Variants in CEP112 observed in about 807,000 individuals in gnomAD.
CEP112 encodes centrosomal protein 112, also known as centrosomal protein of 112 kDa.
A neutral mutation model predicts 153.0 loss-of-function variants in CEP112; 127 were observed. The ratio of observed to expected loss-of-function variants is 0.83; its 90% CI spans 0.72 to 0.96. The LOEUF (loss-of-function observed/expected upper bound fraction) is 0.96. CEP112 is among the 40% of genes least tolerant of loss of function. The pLI, the probability that CEP112 is intolerant of heterozygous loss-of-function variation, is 0.00. For missense variants in CEP112, 1,089 were observed against 1,101.2 expected (o/e 0.99, Z 0.16); for synonymous variants, 358 against 374.4 (o/e 0.96, Z 0.51).
chr17:65,732,525 G>GC (rs2050572152), intron 23 of CEP112, among the ~76,000 whole-genome samples: 1 of 152,292 alleles, frequency 6.6e-6, no homozygotes, highest in East Asian at 1.9e-4. Flanking sequence ...TAGTTTTAAA[G>GC]CTTCTCTAGT....
chr17:65,785,305 A>G (rs2054223044), intron 21 of CEP112, among the ~76,000 whole-genome samples: 1 of 152,194 alleles, frequency 6.6e-6, no homozygotes, highest in Non-Finnish European at 1.5e-5. Flanking sequence ...TCTTTGGGAA[A>G]TATTTTTTCA....
chr17:66,055,994 G>T (rs1035277655), intron 11 of CEP112, among the ~76,000 whole-genome samples: 1 of 152,142 alleles, frequency 6.6e-6, no homozygotes, highest in African/African-American at 2.4e-5. Flanking sequence ...ACTCAGTCTA[G>T]GAGGCTTTAA....
intron 21 of CEP112, among the ~76,000 whole-genome samples, chr17:65,835,280 A>G (rs1261408769): frequency 1.3e-5 from 2 of 151,986 alleles, no homozygotes; most frequent in African/African-American, 4.8e-5. Context: ...AAAAAGGCCC[A>G]CAAAGCATAT....
intron 12 of CEP112, among the ~76,000 whole-genome samples, chr17:66,051,821 A>G (rs769717353): frequency 7.9e-5 from 12 of 152,232 alleles, no homozygotes; most frequent in Non-Finnish European, 1.8e-4. Context: ...TGACCATTCT[A>G]TGAGGTCATA....
rs891790420 is a variant in CEP112 at position 65,737,679 on chromosome 17, C to T, written c.2607+5389G>A. 3.9e-5 allele frequency among the ~76,000 whole-genome samples: 6 copies of T among 152,324 alleles called. No individual in the cohort carries two copies. The East Asian group carries it at 1.2e-3, about 29-fold the overall frequency. On this transcript the variant is annotated intron_variant, in intron 23 of 26. Transcript: ENST00000535342. ...GGCTTGTGCGCCAGCTCTGCCTTCC[C>T]CTTCCCTCAGGTCAGAGAACACACA...
chr17:65,829,397 C>A (rs950081495), intron 21 of CEP112, among the ~76,000 whole-genome samples: 4 of 152,082 alleles, frequency 2.6e-5, no homozygotes, highest in Admixed American at 2.0e-4. Flanking sequence ...AACACAGAAC[C>A]CTTCCACTAT....
intron 14 of CEP112, 60 bp downstream of exon 14, chr17:66,029,063 A>G (rs1382913676): frequency 1.5e-6 from 2 of 1,295,646 alleles, no homozygotes; most frequent in Admixed American, 4.7e-5. Flanking sequence ...TTGGCTATCT[A>G]TGGCTCTAGG....
intron 18 of CEP112, among the ~76,000 whole-genome samples, chr17:65,937,951 CAG>C (rs937744281): frequency 3.2e-5 from 4 of 124,102 alleles, no homozygotes; most frequent in Non-Finnish European, 6.9e-5. Flanking sequence ...GCCATGATGA[CAG>C]TGGCAGTTTT....
At chr17:65,938,816 A>T (rs938273201) in intron 18 of CEP112, among the ~76,000 whole-genome samples, 9 of 148,640 alleles carry the variant, frequency 6.1e-5, no homozygotes, top group Admixed American at 5.3e-4. Flanking sequence ...GATTCAAAAA[A>T]GATTTTTTTT....
At chr17:66,064,389 A>G (rs564454258) in intron 10 of CEP112, among the ~76,000 whole-genome samples, 1 of 152,196 alleles carries the variant, frequency 6.6e-6, no homozygotes, top group South Asian at 2.1e-4. Flanking sequence ...TCATTTCTCT[A>G]TCTTCTTTAC....
intron 20 of CEP112, among the ~76,000 whole-genome samples, chr17:65,901,607 G>A (rs1158527581): frequency 6.6e-6 from 1 of 152,154 alleles, no homozygotes; most frequent in African/African-American, 2.4e-5. Flanking sequence ...TAGGAGGCAT[G>A]TGTGTGTGCA....
At chr17:65,794,789 C>T (rs1262989477) in intron 21 of CEP112, among the ~76,000 whole-genome samples, 5 of 152,184 alleles carry the variant, frequency 3.3e-5, no homozygotes, top group Admixed American at 6.5e-5. Context: ...CGGCTTCTAC[C>T]GTCTCCCCTT....
chr17:66,126,827 T>C (rs959234820), intron 6 of CEP112, among the ~76,000 whole-genome samples: 2 of 152,104 alleles, frequency 1.3e-5, no homozygotes, highest in South Asian at 2.1e-4. Context: ...AATGAAGGTG[T>C]TGACAGTAAC....
chr17:65,652,655 T>G (rs1567813567), intron 24 of CEP112, among the ~76,000 whole-genome samples: 1 of 152,170 alleles, frequency 6.6e-6, no homozygotes, highest in African/African-American at 2.4e-5. Flanking sequence ...TGTTTTTGTA[T>G]TTTTTAGTAT....
chr17:65,942,458 A>G (rs1200052439), intron 18 of CEP112, among the ~76,000 whole-genome samples: 1 of 152,190 alleles, frequency 6.6e-6, no homozygotes, highest in Non-Finnish European at 1.5e-5. Context: ...TGGCAGCTCA[A>G]AGATGTCAGG....
At chr17:66,036,970 T>C (rs7225667) in intron 12 of CEP112, among the ~76,000 whole-genome samples, 141,016 of 152,250 alleles carry the variant, frequency 0.93, 65,540 homozygotes, top group East Asian at 0.97. Context: ...AATTTGAAGG[T>C]TGTAGTGTTT....
rs530147652 is a variant in CEP112 at position 65,926,319 on chromosome 17, CA to C, written c.1980+1262del. Among the ~76,000 whole-genome samples, 467 of 152,286 alleles carry C rather than the reference CA, an allele frequency of 3.1e-3. 3 individuals are homozygous for C. The highest frequency in any genetic ancestry group is 6.8e-3 in the Middle Eastern group (2 of 294). ...CCTTCCTAGTTTTTAGAACTCAGCA[CA>C]AATGTCAGGGAAACCCTGATCAGTT... On this transcript the variant is annotated intron_variant, in intron 19 of 26. Transcript: ENST00000535342.
chr17:66,069,383 A>T (rs951270357), intron 9 of CEP112, among the ~76,000 whole-genome samples: 9 of 150,654 alleles, frequency 6.0e-5, no homozygotes, highest in Admixed American at 5.9e-4. Context: ...AAGAAAAAAA[A>T]ATAAGTTTTA....
At chr17:65,640,154 A>ATATATATATATTTTTT (rs1300751452) in intron 25 of CEP112, among the ~76,000 whole-genome samples, 4 of 78,340 alleles carry the variant, frequency 5.1e-5, no homozygotes, top group African/African-American at 2.8e-4. Flanking sequence ...ATATATATAT[A>ATATATATATATTTTTT]TTTTTTTTTT....
Sources: gnomAD v4.1 joint callset for allele counts (sites outside exome capture counted in the v4.1 genomes callset) on GRCh38, gnomAD v4.1.1 for gene constraint, MANE v1.5 for transcripts, NCBI Gene and HGNC (gene_info 2026-07-23, HGNC 2026-07-21) for gene names.